The following PARM1 variants were observed in gnomAD, a reference collection of about 807,000 sequenced individuals.
PARM1 encodes the protein prostate androgen-regulated mucin-like protein 1.
In PARM1, 14 loss-of-function variants were observed where a neutral mutation model predicts 24.6. That is an observed-to-expected ratio of 0.57 (90% CI 0.38 to 0.89). PARM1 has a LOEUF of 0.89. Ranked by LOEUF, PARM1 falls within the 40% of genes least tolerant of loss-of-function variation. The probability of loss-of-function intolerance (pLI) is 0.00; values close to 1 mark genes in which losing one functional copy is unlikely to be tolerated. For synonymous variants in PARM1, 179 were observed against 156.6 expected (o/e 1.14, Z -1.07); for missense variants, 362 against 380.4 (o/e 0.95, Z 0.40).
intron 3 of PARM1, among the ~76,000 whole-genome samples, chr4:75,035,210 G>A (rs1260392294): frequency 1.3e-5 from 2 of 152,194 alleles, no homozygotes; most frequent in Admixed American, 1.3e-4. Flanking sequence ...TATCCTGGAT[G>A]TGACCACTGT....
At chr4:75,011,501 T>C (rs911429592) in intron 1 of PARM1, among the ~76,000 whole-genome samples, 1 of 151,958 alleles carries the variant, frequency 6.6e-6, no homozygotes, top group Non-Finnish European at 1.5e-5. Context: ...GGGGAGGCAA[T>C]CAAGATATGT....
At chr4:74,984,691 C>A (rs569182254) in intron 1 of PARM1, among the ~76,000 whole-genome samples, 3 of 152,146 alleles carry the variant, frequency 2.0e-5, no homozygotes, top group Non-Finnish European at 4.4e-5. Context: ...ATGTCATTAA[C>A]ATAGCGTAGA....
At chr4:75,013,713 G>C (rs970338525) in intron 2 of PARM1, among the ~76,000 whole-genome samples, 1 of 152,220 alleles carries the variant, frequency 6.6e-6, no homozygotes, top group Non-Finnish European at 1.5e-5. Context: ...AGTAGGAGTG[G>C]AGAAAACTTA....
At chr4:74,989,295 G>T (rs543330116) in intron 1 of PARM1, among the ~76,000 whole-genome samples, 1 of 152,236 alleles carries the variant, frequency 6.6e-6, no homozygotes, top group Non-Finnish European at 1.5e-5. Flanking sequence ...GAACTAAGTT[G>T]CTATTTATAC....
intron 1 of PARM1, among the ~76,000 whole-genome samples, chr4:74,983,740 A>G (rs1452413313): frequency 6.6e-6 from 1 of 152,120 alleles, no homozygotes; most frequent in Non-Finnish European, 1.5e-5. Context: ...ACACTCAATT[A>G]TTATTTTAAT....
chr4:74,974,103 T>C (rs145435286), intron 1 of PARM1, among the ~76,000 whole-genome samples: 78 of 152,294 alleles, frequency 5.1e-4, no homozygotes, highest in African/African-American at 1.9e-3. Context: ...ATGTCCCACA[T>C]TATGCCATGA....
At chr4:74,939,002 G>A (rs1721248630) in intron 1 of PARM1, among the ~76,000 whole-genome samples, 1 of 152,288 alleles carries the variant, frequency 6.6e-6, no homozygotes, top group Middle Eastern at 3.4e-3. Context: ...AAATTTGAAT[G>A]TAAAATAAAC....
chr4:75,016,226 AGTTTCAGGT>A (rs1458817118), intron 2 of PARM1, among the ~76,000 whole-genome samples: 1 of 152,100 alleles, frequency 6.6e-6, no homozygotes, highest in African/African-American at 2.4e-5. Context: ...GGGCAAAGGG[AGTTTCAGGT>A]GCTCATTTAC....
rs1006787325 is a variant in PARM1 at position 74,953,787 on chromosome 4, C to T, written c.43+20417C>T. On this transcript the variant is annotated intron_variant, in intron 1 of 3. Transcript: ENST00000307428. Reference sequence around the variant, plus strand: ...TTTGAAAAGCGATCCCCACCACCACCGACATCTGAGAACATCCTGGCCTCT... The same window carrying T: ...TTTGAAAAGCGATCCCCACCACCACTGACATCTGAGAACATCCTGGCCTCT... Among the ~76,000 whole-genome samples the T allele has an allele frequency of 5.9e-5, 9 of 152,156 alleles. No homozygotes were observed. In the South Asian group the frequency reaches 8.3e-4, roughly 14 times the overall value.
At chr4:74,983,283 C>A (rs1000801551) in intron 1 of PARM1, among the ~76,000 whole-genome samples, 7 of 152,144 alleles carry the variant, frequency 4.6e-5, no homozygotes, top group Non-Finnish European at 8.8e-5. Context: ...AATATCTATC[C>A]TTTTCTGGAG....
At chr4:75,019,612 T>C (rs1167668316) in intron 2 of PARM1, among the ~76,000 whole-genome samples, 2 of 152,302 alleles carry the variant, frequency 1.3e-5, no homozygotes, top group East Asian at 3.9e-4. Flanking sequence ...TGTCCATACC[T>C]GCAAGGGACT....
chr4:74,990,054 T>C (rs182072876), intron 1 of PARM1, among the ~76,000 whole-genome samples: 2 of 152,234 alleles, frequency 1.3e-5, no homozygotes, highest in East Asian at 3.9e-4. Context: ...GTAAAACTTA[T>C]GGAACTAGAG....
chr4:74,953,840 G>A (rs41425045), intron 1 of PARM1, among the ~76,000 whole-genome samples: 4,292 of 152,228 alleles, frequency 0.028, 200 homozygotes, highest in African/African-American at 0.097. Context: ...AGGGAAGCAG[G>A]TGAGCCAGCT....
At chr4:74,999,676 A>G (rs2109785775) in intron 1 of PARM1, among the ~76,000 whole-genome samples, 3 of 152,370 alleles carry the variant, frequency 2.0e-5, no homozygotes, top group Admixed American at 2.0e-4. Context: ...TTTAAGAAGT[A>G]AACTAAGCAA....
intron 1 of PARM1, among the ~76,000 whole-genome samples, chr4:74,951,885 C>T (rs531214489): frequency 9.8e-5 from 15 of 152,300 alleles, no homozygotes; most frequent in African/African-American, 3.6e-4. Context: ...CTGAATAGTG[C>T]TGCAATAAAC....
chr4:75,044,343 G>A (rs1723555758), intron 3 of PARM1, among the ~76,000 whole-genome samples: 1 of 152,130 alleles, frequency 6.6e-6, no homozygotes, highest in African/African-American at 2.4e-5. Flanking sequence ...TTCTAATCCT[G>A]CCATTAGTTT....
intron 2 of PARM1, among the ~76,000 whole-genome samples, chr4:75,020,003 C>A (rs1184887236): frequency 3.4e-5 from 4 of 117,994 alleles, no homozygotes; most frequent in African/African-American, 1.3e-4. Context: ...GAACGAGACT[C>A]CGTCTCAAAA....
chr4:74,948,895 G>T (rs1181457433), intron 1 of PARM1, among the ~76,000 whole-genome samples: 1 of 152,050 alleles, frequency 6.6e-6, no homozygotes, highest in African/African-American at 2.4e-5. Flanking sequence ...GGTGGCAGGT[G>T]CCTGTAATCC....
At chr4:75,020,491 T>A (rs543795539) in intron 2 of PARM1, among the ~76,000 whole-genome samples, 1 of 139,752 alleles carries the variant, frequency 7.2e-6, no homozygotes, top group Non-Finnish European at 1.5e-5. Context: ...TGCCCCTCAT[T>A]TCCCCCCCCC....
Sources: allele counts gnomAD v4.1 joint callset (sites outside exome capture counted in the v4.1 genomes callset), GRCh38; gene constraint gnomAD v4.1.1; transcripts MANE v1.5; gene names NCBI Gene and HGNC (gene_info 2026-07-23, HGNC 2026-07-21).